CADPS2: variants seen among roughly 807,000 people sequenced by gnomAD.
CADPS2 encodes the protein calcium dependent secretion activator 2.
In CADPS2, 93 loss-of-function variants were observed where a neutral mutation model predicts 172.5. The ratio of observed to expected loss-of-function variants is 0.54; its 90% CI spans 0.46 to 0.64. The LOEUF (loss-of-function observed/expected upper bound fraction) is 0.64. CADPS2 is among the 30% of genes least tolerant of loss of function. CADPS2 has a pLI of 0.00. For missense variants in CADPS2, 1,420 were observed against 1,565.9 expected (o/e 0.91, Z 1.57); for synonymous variants, 546 against 555.2 (o/e 0.98, Z 0.23).
chr7:122,722,975 A>T (rs569197799), intron 2 of CADPS2, among the ~76,000 whole-genome samples: 1 of 152,208 alleles, frequency 6.6e-6, no homozygotes, highest in South Asian at 2.1e-4. Context: ...CTGGCTAGCT[A>T]TATGTAGACA....
intron 2 of CADPS2, among the ~76,000 whole-genome samples, chr7:122,729,424 A>AT (rs1188082146): frequency 6.6e-6 from 1 of 151,520 alleles, no homozygotes; most frequent in Non-Finnish European, 1.5e-5. Context: ...TCTATTTTTA[A>AT]TTTTTTAAGG....
chr7:122,361,794 C>T (rs2040183332), intron 25 of CADPS2, among the ~76,000 whole-genome samples: 1 of 152,040 alleles, frequency 6.6e-6, no homozygotes, highest in African/African-American at 2.4e-5. Flanking sequence ...AGATAATGGG[C>T]CAGGCAGGGT....
intron 25 of CADPS2, chr7:122,369,896 A>C (rs1252003233): frequency 6.6e-6 from 1 of 152,128 alleles, no homozygotes; most frequent in East Asian, 1.9e-4. Flanking sequence ...ATCTTCTTAT[A>C]ATGCAAATCT....
chr7:122,857,725 G>C (rs1815703751), intron 1 of CADPS2, among the ~76,000 whole-genome samples: 1 of 152,166 alleles, frequency 6.6e-6, no homozygotes. Context: ...GCCTTTAACT[G>C]TGTGTGTTAA....
At chr7:122,671,932 A>C (rs575110971) in intron 2 of CADPS2, among the ~76,000 whole-genome samples, 1 of 152,316 alleles carries the variant, frequency 6.6e-6, no homozygotes, top group South Asian at 2.1e-4. Flanking sequence ...ACTGATTCCT[A>C]TTATATGCTC....
chr7:122,537,437 A>G (rs1256206523), intron 8 of CADPS2, among the ~76,000 whole-genome samples: 4 of 151,890 alleles, frequency 2.6e-5, no homozygotes, highest in African/African-American at 9.7e-5. Context: ...GAAATTAAAG[A>G]TAAAACTAGG....
intron 2 of CADPS2, among the ~76,000 whole-genome samples, chr7:122,716,995 A>T (rs1241282784): frequency 6.6e-6 from 1 of 152,164 alleles, no homozygotes; most frequent in African/African-American, 2.4e-5. Context: ...ACGTGGTATC[A>T]TTTCTGATTT....
chr7:122,609,222 A>T (rs1421637454), intron 6 of CADPS2, among the ~76,000 whole-genome samples: 1 of 152,162 alleles, frequency 6.6e-6, no homozygotes, highest in Non-Finnish European at 1.5e-5. Flanking sequence ...TAGTACATAT[A>T]AGGAAATTTA....
intron 7 of CADPS2, among the ~76,000 whole-genome samples, chr7:122,565,409 G>T (rs971433530): frequency 2.0e-5 from 3 of 152,140 alleles, no homozygotes; most frequent in African/African-American, 7.2e-5. Flanking sequence ...CAGGAAGATA[G>T]TGGGGAATAA....
intron 1 of CADPS2, among the ~76,000 whole-genome samples, chr7:122,819,036 C>T (rs1212777950): frequency 1.3e-5 from 2 of 152,104 alleles, no homozygotes; most frequent in Admixed American, 6.5e-5. Flanking sequence ...TAATTAACCT[C>T]GCCTTCAAGG....
rs74633956 is a variant in CADPS2, at chr7:122,406,165, T to TC, written c.2746+1374dup. Reference sequence around the variant, plus strand: ...CAAATGATTTCATGTCTATGTGATTTCCCCCCCACCAGTTTTATCACAGAC... The same window carrying TC: ...CAAATGATTTCATGTCTATGTGATTTCCCCCCCCACCAGTTTTATCACAGAC... On this transcript the variant is annotated intron_variant, in intron 20 of 29. Coordinates refer to ENST00000449022, the MANE Select transcript of CADPS2 (RefSeq NM_017954.11). Among the ~76,000 whole-genome samples, 66 of 151,936 alleles carry TC rather than the reference T, an allele frequency of 4.3e-4. No homozygotes were observed. In the East Asian group the frequency reaches 6.8e-3, roughly 16 times the overall value.
intron 1 of CADPS2, among the ~76,000 whole-genome samples, chr7:122,827,079 C>T (rs1241716133): frequency 6.6e-6 from 1 of 152,046 alleles, no homozygotes; most frequent in Admixed American, 6.6e-5. Flanking sequence ...ACACCAATGT[C>T]AAGAATGAGA....
chr7:122,570,773 T>C (rs1183269480), intron 7 of CADPS2, among the ~76,000 whole-genome samples: 1 of 152,042 alleles, frequency 6.6e-6, no homozygotes, highest in African/African-American at 2.4e-5. Flanking sequence ...CTCAGTAAAC[T>C]ATCGCAAGGA....
At chr7:122,454,467 A>G (rs1177157659) in intron 14 of CADPS2, among the ~76,000 whole-genome samples, 1 of 152,124 alleles carries the variant, frequency 6.6e-6, no homozygotes, top group Non-Finnish European at 1.5e-5. Flanking sequence ...AGCAATAGAA[A>G]CCCAATGAAA....
chr7:122,550,948 G>C (rs1427265335), intron 8 of CADPS2, among the ~76,000 whole-genome samples: 1 of 151,970 alleles, frequency 6.6e-6, no homozygotes, highest in East Asian at 1.9e-4. Context: ...TACGTCTTGT[G>C]GTAATGCCCA....
intron 1 of CADPS2, among the ~76,000 whole-genome samples, chr7:122,829,611 T>A (rs1020196942): frequency 2.0e-5 from 3 of 152,186 alleles, no homozygotes; most frequent in Non-Finnish European, 2.9e-5. Flanking sequence ...GCTTGTGACA[T>A]AGTTCAACAG....
chr7:122,614,741 C>A (rs1368046202), intron 6 of CADPS2, among the ~76,000 whole-genome samples: 3 of 152,200 alleles, frequency 2.0e-5, no homozygotes, highest in Admixed American at 6.5e-5. Flanking sequence ...CTAGCCCGCT[C>A]ACTAAGTATT....
intron 1 of CADPS2, among the ~76,000 whole-genome samples, chr7:122,881,491 C>G (rs1822924384): frequency 6.6e-6 from 1 of 152,140 alleles, no homozygotes; most frequent in Non-Finnish European, 1.5e-5. Flanking sequence ...TACGTGGTTT[C>G]CAACTCACTC....
In CADPS2 at chr7:122,587,926, T is replaced by C. The variant is rs760536580; in HGVS notation, c.1224-6636A>G. Among the ~76,000 whole-genome samples the C allele has an allele frequency of 6.0e-4, 91 of 152,166 alleles. 1 individual carries two copies. Among genetic ancestry groups the C allele is most frequent in the Non-Finnish European group, 1.2e-3 (79 of 68,026 alleles). ...CCATTCTGACTGGCATGAGATGGTA[T>C]CTCACTGTGGTTTTGACTTGTATTT... On this transcript the variant is annotated intron_variant, in intron 6 of 29. Transcript: ENST00000449022.
Sources: allele counts gnomAD v4.1 joint callset (sites outside exome capture counted in the v4.1 genomes callset), GRCh38; gene constraint gnomAD v4.1.1; transcripts MANE v1.5; gene names NCBI Gene and HGNC (gene_info 2026-07-23, HGNC 2026-07-21).